CUX1: variants seen among roughly 807,000 people sequenced by gnomAD.
CUX1 encodes the protein cut like homeobox 1.
Under a neutral mutation model 158.8 loss-of-function variants are expected in CUX1, and 31 were observed. That is an observed-to-expected ratio of 0.20 (90% confidence interval 0.15 to 0.26). The LOEUF (loss-of-function observed/expected upper bound fraction) is 0.26. Among genes scored for constraint, CUX1 ranks in the 10% least tolerant of loss-of-function variants. The probability of loss-of-function intolerance (pLI) is 1.00; values close to 1 mark genes in which losing one functional copy is unlikely to be tolerated. For missense variants in CUX1, 1,589 were observed against 2,014.6 expected (o/e 0.79, Z 4.04); for synonymous variants, 879 against 862.1 (o/e 1.02, Z -0.34).
intron 1 of CUX1, among the ~76,000 whole-genome samples, chr7:101,849,478 G>C (rs934870680): frequency 6.6e-6 from 1 of 152,104 alleles, no homozygotes; most frequent in Non-Finnish European, 1.5e-5. Flanking sequence ...ATGGCCTCCA[G>C]CTCCATCCAT....
intron 2 of CUX1, among the ~76,000 whole-genome samples, chr7:101,974,518 A>G (rs544936398): frequency 2.4e-4 from 36 of 152,356 alleles, no homozygotes; most frequent in African/African-American, 8.2e-4. Flanking sequence ...TAATTCAGGC[A>G]GCGCTGGGAA....
At chr7:101,821,603 G>A (rs1215445506) in intron 1 of CUX1, among the ~76,000 whole-genome samples, 2 of 149,962 alleles carry the variant, frequency 1.3e-5, no homozygotes, top group Non-Finnish European at 3.0e-5. Flanking sequence ...CTCCCGAAGT[G>A]CTGGGATTAC....
intron 23 of CUX1, among the ~76,000 whole-genome samples, chr7:102,245,854 C>G (rs1158617670): frequency 6.6e-6 from 1 of 151,904 alleles, no homozygotes; most frequent in African/African-American, 2.4e-5. Context: ...TACCTGTAGT[C>G]CCAGCTATTT....
chr7:101,900,750 G>C lies in CUX1; in HGVS notation c.31-15365G>C, dbSNP rs1176846914. Among the ~76,000 whole-genome samples, 5 of 151,382 alleles carry C rather than the reference G, an allele frequency of 3.3e-5. No homozygotes were observed. The South Asian group carries it at 6.2e-4, about 19-fold the overall frequency. ...TAGTGCAAGCCACAGCTGTGATTCAGAAGAAGAAAAAAAAAAGCCAAACCT... is the reference window on the plus strand; with the variant it reads ...TAGTGCAAGCCACAGCTGTGATTCACAAGAAGAAAAAAAAAAGCCAAACCT... On this transcript the variant is annotated intron_variant, in intron 1 of 23. Transcript: ENST00000292535.
chr7:102,130,740 G>A (rs1833123074), intron 8 of CUX1, among the ~76,000 whole-genome samples: 1 of 152,096 alleles, frequency 6.6e-6, no homozygotes, highest in South Asian at 2.1e-4. Context: ...AAGCACAAAA[G>A]CACAGCTTAT....
rs143504643 is a variant in CUX1 at position 102,067,560 on chromosome 7, A to G, written c.190-2779A>G. ...CACAACTCTATTTTTTTTTTATATA[A>G]TTAGGAAAAAAAAATAGAAATAAAG... is the stretch of plus-strand genomic sequence containing the variant. On this transcript the variant is annotated intron_variant, in intron 3 of 23. Transcript: ENST00000292535. 2.0e-3 allele frequency among the ~76,000 whole-genome samples: 298 copies of G among 150,826 alleles called. 3 individuals carry two copies. The South Asian group carries it at 0.033, about 17-fold the overall frequency.
At chr7:102,268,679 C>T (rs1586505791) in intron 14 of CUX1, among the ~76,000 whole-genome samples, 1 of 152,100 alleles carries the variant, frequency 6.6e-6, no homozygotes, top group Admixed American at 6.6e-5. Flanking sequence ...GTTCTGCAGG[C>T]TGTACCAGAA....
chr7:102,233,751 C>T (rs193101005), intron 21 of CUX1, among the ~76,000 whole-genome samples: 3 of 152,196 alleles, frequency 2.0e-5, no homozygotes, highest in East Asian at 1.9e-4. Flanking sequence ...TACACTACTG[C>T]GCTCCAGCCT....
At chr7:102,274,738 G>A (rs540864962) in intron 16 of CUX1, among the ~76,000 whole-genome samples, 2 of 152,366 alleles carry the variant, frequency 1.3e-5, no homozygotes, top group Admixed American at 6.5e-5. Flanking sequence ...GTGAGTGGTG[G>A]TCAGCCAGGC....
At chr7:102,032,973 T>C (rs1820969447) in intron 3 of CUX1, among the ~76,000 whole-genome samples, 3 of 152,128 alleles carry the variant, frequency 2.0e-5, no homozygotes, top group African/African-American at 7.2e-5. Flanking sequence ...TGGCCAATCC[T>C]TGCTTCTCTC....
intron 2 of CUX1, among the ~76,000 whole-genome samples, chr7:101,946,337 AT>A (rs1808368160): frequency 6.6e-6 from 1 of 152,062 alleles, no homozygotes; most frequent in Non-Finnish European, 1.5e-5. Context: ...TCAGGAGTTC[AT>A]TTTGAGACCA....
chr7:101,818,756 G>T (rs1323822073), intron 1 of CUX1, among the ~76,000 whole-genome samples: 1 of 152,196 alleles, frequency 6.6e-6, no homozygotes, highest in Non-Finnish European at 1.5e-5. Context: ...GGCCAATCTG[G>T]TTCTTTCTCT....
intron 5 of CUX1, among the ~76,000 whole-genome samples, chr7:102,103,936 A>T (rs1554487471): frequency 1.3e-5 from 2 of 151,654 alleles, no homozygotes; most frequent in African/African-American, 2.4e-5. Flanking sequence ...ATTATGAACT[A>T]TTTTTTTTCT....
At chr7:102,060,759 C>T (rs1048318087) in intron 3 of CUX1, among the ~76,000 whole-genome samples, 1 of 149,452 alleles carries the variant, frequency 6.7e-6, no homozygotes, top group Non-Finnish European at 1.5e-5. Context: ...ATTACAGGTG[C>T]CTGCCACCAC....
At chr7:102,056,278 T>A (rs138994534) in intron 3 of CUX1, among the ~76,000 whole-genome samples, 12 of 152,306 alleles carry the variant, frequency 7.9e-5, no homozygotes, top group African/African-American at 2.9e-4. Context: ...AACCTTCTCT[T>A]GGAAGAAGAT....
chr7:102,131,108 C>CA (rs575289482), intron 8 of CUX1, among the ~76,000 whole-genome samples: 981 of 65,226 alleles, frequency 0.015, 8 homozygotes, highest in East Asian at 0.077. Flanking sequence ...GACTCCATCT[C>CA]AAAAAAAAAA....
chr7:102,062,724 C>T (rs976633645), intron 3 of CUX1, among the ~76,000 whole-genome samples: 16 of 152,202 alleles, frequency 1.1e-4, no homozygotes, highest in African/African-American at 3.9e-4. Context: ...TGATCTCGAA[C>T]TCCTGCACTC....
intron 1 of CUX1, among the ~76,000 whole-genome samples, chr7:101,903,742 C>T (rs1802422506): frequency 6.6e-6 from 1 of 152,112 alleles, no homozygotes; most frequent in East Asian, 1.9e-4. Context: ...TTTAAATGAG[C>T]GTCTAGCAAG....
At chr7:102,215,865 G>T (rs1796995355) in intron 20 of CUX1, among the ~76,000 whole-genome samples, 1 of 152,210 alleles carries the variant, frequency 6.6e-6, no homozygotes, top group Admixed American at 6.5e-5. Flanking sequence ...GCAGCATCAT[G>T]GAGGGAGGAG....
Sources: gnomAD v4.1 joint callset for allele counts (sites outside exome capture counted in the v4.1 genomes callset) on GRCh38, gnomAD v4.1.1 for gene constraint, MANE v1.5 for transcripts, NCBI Gene and HGNC (gene_info 2026-07-23, HGNC 2026-07-21) for gene names.